ASNSD1: variants seen among roughly 807,000 people sequenced by gnomAD.
ASNSD1 encodes asparagine synthetase domain containing 1, also known as asparagine synthetase domain-containing protein 1.
In ASNSD1, 36 loss-of-function variants were observed where a neutral mutation model predicts 48.3. The ratio of observed to expected loss-of-function variants is 0.75; its 90% confidence interval spans 0.57 to 0.99. ASNSD1 has a LOEUF of 0.99. Among genes scored for constraint, ASNSD1 ranks in the 50% least tolerant of loss-of-function variants. The pLI is 0.00. For missense variants in ASNSD1, 714 were observed against 758.2 expected, an observed-to-expected ratio of 0.94 and a Z score of 0.69; for synonymous variants, 257 against 262.1, an observed-to-expected ratio of 0.98 and a Z score of 0.19.
chr2:189,665,642 A>ATGTG (rs2032784121), intron 3 of ASNSD1, among the ~76,000 whole-genome samples, 191 bp downstream of exon 3: 2 of 131,862 alleles, frequency 1.5e-5, no homozygotes, highest in Admixed American at 7.8e-5. Context: ...ATATATATAT[A>ATGTG]TATATTATAA....
rs970043674 is a variant in ASNSD1 at position 189,663,974 on chromosome 2, C to T, written c.-169+20C>T. 15 of 385,664 alleles carry T rather than the reference C, an allele frequency of 3.9e-5. No individual in the cohort carries two copies. Among genetic ancestry groups the T allele is most frequent in the Non-Finnish European group, 5.1e-5 (11 of 217,066 alleles). The allele number at this position is 385,664 out of a possible 1,614,324, so 23.9% of individuals were successfully genotyped here. A position where few individuals can be genotyped will look rare whatever the true frequency, so the allele number is the denominator to read the frequency against. On this transcript the variant is annotated intron_variant, in intron 2 of 5. Coordinates refer to ENST00000260952, the MANE Select transcript of ASNSD1 (RefSeq NM_019048.4). ...AATAGGGTGAGTTATTATAGGAATT[C>T]TGAATAATATGTGGGAGGTTTATTT...
At chr2:189,665,596 G>GTATATATATATATATATATATA (rs71023704) in intron 3 of ASNSD1, 145 bp downstream of exon 3, 5 of 111,484 alleles carry the variant, frequency 4.5e-5, no homozygotes, top group East Asian at 2.4e-4. Context: ...ATATATATAT[G>GTATATATATATATATATATATA]TGTATATATA....
In ASNSD1 at chr2:189,667,410, T is replaced by C. The variant is rs2032835071; in HGVS notation, c.1278T>C (p.Asn426=). ...LQAVSPSRIW[N]FVEINVSMEE... Reference sequence around the variant, plus strand: ...CTGTTAGCCCTTCCCGAATTTGGAATTTTGTTGAAATTAATGTTTCTATGG... The same window carrying C: ...CTGTTAGCCCTTCCCGAATTTGGAACTTTGTTGAAATTAATGTTTCTATGG... The change falls in exon 4 of 6, where the codon AAT becomes AAC. Residue 426 remains asparagine (N), a synonymous_variant. Coordinates refer to ENST00000260952, the MANE Select transcript of ASNSD1 (RefSeq NM_019048.4). 1 of 1,614,062 alleles carries C rather than the reference T, an allele frequency of 6.2e-7. No homozygotes were observed. Among genetic ancestry groups the C allele is most frequent in the Admixed American group, 1.7e-5 (1 of 59,996 alleles).
Position 189,666,939 on chromosome 2 carries a change from A to G in ASNSD1, c.807A>G (p.Ile269Met), listed in dbSNP as rs767291978. The G allele has an allele frequency of 1.2e-6, 2 of 1,614,068 alleles. No individual in the cohort carries two copies. The highest frequency in any genetic ancestry group is 3.3e-5 in the Admixed American group (2 of 60,022). ...CCAATGTGCCACCTACAAGAGAGAT[A>G]CTTCAAGTCTTTCTTACTGATGTAC... ...NISNVPPTRE[I>M]LQVFLTDVHM... The change falls in exon 4 of 6, where the codon ATA (isoleucine) becomes ATG (methionine). Residue 269 changes from isoleucine (I) to methionine (M), a missense_variant. Physicochemically the swap from Ile to Met is conservative, Grantham distance 10. Transcript: ENST00000260952.
chr2:189,667,772 C>T lies in ASNSD1; in HGVS notation c.1473C>T (p.Leu491=). Reference sequence around the variant, plus strand: ...TTCTTTAAACCTCATAGGTAGTTCTCACTGGAATTGGTGCAGATGAGCAAC... The same window carrying T: ...TTCTTTAAACCTCATAGGTAGTTCTTACTGGAATTGGTGCAGATGAGCAAC... ...KSYQSNAKVV[L]TGIGADEQLA... Residue 491 remains leucine, a synonymous_variant, in exon 5 of 6, where the codon CTC becomes CTT. Coordinates refer to ENST00000260952, the MANE Select transcript of ASNSD1 (RefSeq NM_019048.4). 1.2e-6 allele frequency: 2 copies of T among 1,610,552 alleles called. No individual in the cohort carries two copies. Among genetic ancestry groups the T allele is most frequent in the Non-Finnish European group, 1.7e-6 (2 of 1,179,012 alleles).
chr2:189,662,950 A>C (rs2032702384), intron 1 of ASNSD1, among the ~76,000 whole-genome samples: 1 of 31,686 alleles, frequency 3.2e-5, no homozygotes, highest in Non-Finnish European at 2.4e-4. Context: ...CCCTGTTTCA[A>C]AAAAAAAAAA....
chr2:189,669,075 C>T (rs1485283621), intron 5 of ASNSD1, among the ~76,000 whole-genome samples: 2 of 152,200 alleles, frequency 1.3e-5, no homozygotes, highest in African/African-American at 4.8e-5. Context: ...CTCTCTCTCT[C>T]TCTTTGACTT....
At position 189,666,669 on chromosome 2, in the gene ASNSD1, C is replaced by A; in HGVS notation, c.537C>A (p.Phe179Leu). 1 of 1,613,918 alleles carries A rather than the reference C, an allele frequency of 6.2e-7. No homozygotes were observed. Residue 179 changes from phenylalanine (F) to leucine (L), a missense_variant, in exon 4 of 6, where the codon TTC (phenylalanine) becomes TTA (leucine). Phe to Leu is a conservative substitution (Grantham distance 22, BLOSUM62 0). Coordinates refer to ENST00000260952, the MANE Select transcript of ASNSD1 (RefSeq NM_019048.4). Reference sequence around the variant, plus strand: ...AAGAAGTTCCAGCATCTGGACTTTTCAGAATTGATCTTAAGTCTACTGTCA... The same window carrying A: ...AAGAAGTTCCAGCATCTGGACTTTTAAGAATTGATCTTAAGTCTACTGTCA... ...QWQEVPASGL[F>L]RIDLKSTVIS...
chr2:189,665,781 G>A (rs2032787857), intron 3 of ASNSD1, among the ~76,000 whole-genome samples: 1 of 151,508 alleles, frequency 6.6e-6, no homozygotes, highest in East Asian at 1.9e-4. Context: ...AGGTATTGTG[G>A]GATCTAAATA....
At chr2:189,661,759 CCA>C in intron 1 of ASNSD1, 149 bp downstream of exon 1, 1 of 397,366 alleles carries the variant, frequency 2.5e-6, no homozygotes, top group Non-Finnish European at 4.4e-6. Context: ...CACTTGACAG[CCA>C]CAGTTAGTCC....
chr2:189,665,204 CA>C (rs1398928200), intron 2 of ASNSD1, among the ~76,000 whole-genome samples, 171 bp from the exon 3 acceptor site: 1 of 151,978 alleles, frequency 6.6e-6, no homozygotes, highest in Non-Finnish European at 1.5e-5. Flanking sequence ...TCAGTAGTAG[CA>C]ATTTCTGGTA....
At position 189,667,288 on chromosome 2, in the gene ASNSD1, T is replaced by C; in HGVS notation, c.1156T>C (p.Ser386Pro). 6.2e-7 allele frequency: 1 copy of C among 1,614,124 alleles called. No homozygotes were observed. The highest frequency in any genetic ancestry group is 2.2e-5 in the East Asian group (1 of 44,874). ...ATGTGAAATACCTTCAGAAGAATTC[T>C]CTAAAGATGTTGCTGCTGCTGCTGC... Reference protein sequence around the residue: ...NKCEIPSEEFSKDVAAAAADS... With the variant: ...NKCEIPSEEFPKDVAAAAADS... The change falls in exon 4 of 6, where the codon TCT becomes CCT. Residue 386 changes from serine to proline, a missense_variant. Transcript: ENST00000260952.
chr2:189,662,356 A>G (rs977168858), intron 1 of ASNSD1, among the ~76,000 whole-genome samples: 6 of 152,210 alleles, frequency 3.9e-5, no homozygotes, highest in Admixed American at 2.0e-4. Flanking sequence ...CAAACTTACA[A>G]TGACATCTTG....
rs763865037 is a variant in ASNSD1 at position 189,670,474 on chromosome 2, T to C, written c.1680T>C (p.Phe560=). 6.2e-7 allele frequency: 1 copy of C among 1,612,718 alleles called. No homozygotes were observed. The highest frequency in any genetic ancestry group is 1.3e-5 in the African/African-American group (1 of 75,024). ...TCCTGGATGAAAATGTTGTCTCCTT[T>C]CTAAATTCTCTGCCGATTTGGGAAA... The part of the protein sequence containing the change: ...FPFLDENVVS[F]LNSLPIWEKA... Residue 560 remains phenylalanine, a synonymous_variant, in exon 6 of 6, where the codon TTT becomes TTC. Coordinates refer to ENST00000260952, the MANE Select transcript of ASNSD1 (RefSeq NM_019048.4).
chr2:189,667,461 T>G lies in ASNSD1; in HGVS notation c.1329T>G (p.Thr443=), dbSNP rs138787007. 19 of 1,614,066 alleles carry G rather than the reference T, an allele frequency of 1.2e-5. No individual in the cohort carries two copies. Among genetic ancestry groups the G allele is most frequent in the Non-Finnish European group, 1.5e-5 (18 of 1,180,036 alleles). The change falls in exon 4 of 6, where the codon ACT becomes ACG. Residue 443 remains threonine, a synonymous_variant. Transcript: ENST00000260952. ...SMEELQKLRR[T]RICHLIRPLD... The stretch of plus-strand genomic sequence containing the variant: ...AAGAACTGCAGAAATTAAGAAGAAC[T>G]CGAATATGTCACTTAATTCGGCCAT...
In ASNSD1 at chr2:189,667,195, G is replaced by A; in HGVS notation, c.1063G>A (p.Ala355Thr). The A allele has an allele frequency of 6.2e-7, 1 of 1,614,152 alleles. No homozygotes were observed. The highest frequency in any genetic ancestry group is 8.5e-7 in the Non-Finnish European group (1 of 1,180,018). The change falls in exon 4 of 6, where the codon GCT becomes ACT. Residue 355 changes from alanine to threonine, a missense_variant. Coordinates refer to ENST00000260952, the MANE Select transcript of ASNSD1 (RefSeq NM_019048.4). The stretch of plus-strand genomic sequence containing the variant: ...TGAACCAATTGATCTTCTTAATGTA[G>A]CTTTCATAGCTGAAGAAAAGACCAT... ...LDEPIDLLNVAFIAEEKTMPT... is the reference protein window; with the variant it reads ...LDEPIDLLNVTFIAEEKTMPT...
chr2:189,667,135 A>C lies in ASNSD1; in HGVS notation c.1003A>C (p.Ile335Leu), dbSNP rs761541106. The C allele has an allele frequency of 6.2e-7, 1 of 1,614,202 alleles. No individual in the cohort carries two copies. Among genetic ancestry groups the C allele is most frequent in the Non-Finnish European group, 8.5e-7 (1 of 1,180,026 alleles). The stretch of plus-strand genomic sequence containing the variant: ...TTCTGGGGGCATTGATTCCATGGTT[A>C]TTGCAACCCTTGCTGACCGTCATAT... ...LFSGGIDSMV[I>L]ATLADRHIPL... Residue 335 changes from isoleucine to leucine, a missense_variant, in exon 4 of 6, where the codon ATT (isoleucine) becomes CTT (leucine). Ile to Leu is a conservative substitution (Grantham distance 5, BLOSUM62 2). Transcript: ENST00000260952.
intron 1 of ASNSD1, 140 bp from the exon 2 acceptor site, chr2:189,663,761 A>G (rs1390344011): frequency 3.0e-6 from 1 of 333,688 alleles, no homozygotes. Flanking sequence ...TGATCTGTAT[A>G]TTCACAAACT....
chr2:189,667,274 C>T lies in ASNSD1; in HGVS notation c.1142C>T (p.Pro381Leu), dbSNP rs752153380. Residue 381 changes from proline (P) to leucine (L), a missense_variant, in exon 4 of 6, where the codon CCT becomes CTT. Physicochemically the swap from Pro to Leu is moderately conservative, Grantham distance 98. Coordinates refer to ENST00000260952, the MANE Select transcript of ASNSD1 (RefSeq NM_019048.4). ...GNKQKNKCEI[P>L]SEEFSKDVAA... ...AAACAGAAAAATAAATGTGAAATACCTTCAGAAGAATTCTCTAAAGATGTT... is the reference window on the plus strand; with the variant it reads ...AAACAGAAAAATAAATGTGAAATACTTTCAGAAGAATTCTCTAAAGATGTT... The T allele has an allele frequency of 1.2e-6, 2 of 1,614,048 alleles. No individual in the cohort carries two copies. Among genetic ancestry groups the T allele is most frequent in the Non-Finnish European group, 1.7e-6 (2 of 1,180,006 alleles).
Sources: allele counts gnomAD v4.1 joint callset (sites outside exome capture counted in the v4.1 genomes callset), GRCh38; gene constraint gnomAD v4.1.1; transcripts MANE v1.5; gene names NCBI Gene and HGNC (gene_info 2026-07-23, HGNC 2026-07-21).